The following TENM3 variants were observed in gnomAD, a reference collection of about 807,000 sequenced individuals.
The protein encoded by TENM3 is teneurin transmembrane protein 3.
TENM3 carries 63 observed loss-of-function variants against 255.1 expected under a neutral mutation model. The ratio of observed to expected loss-of-function variants is 0.25; its 90% CI spans 0.20 to 0.30. TENM3 has a LOEUF of 0.30. Among genes scored for constraint, TENM3 ranks in the 10% least tolerant of loss-of-function variants. The pLI, the probability that TENM3 is intolerant of heterozygous loss-of-function variation, is 1.00. For missense variants in TENM3, 2,929 were observed against 3,461.1 expected (o/e 0.85, Z 3.86); for synonymous variants, 1,306 against 1,322.3 (o/e 0.99, Z 0.27).
At chr4:181,993,090 G>A in the TENM3 span, among the ~76,000 whole-genome samples, 884 of 152,180 alleles carry the variant, frequency 5.8e-3, 6 homozygotes, top group Middle Eastern at 0.017. Context: ...CTTTTGTACC[G>A]TATTTATCCT....
At chr4:182,391,960 T>G (rs1768458266) in intron 3 of TENM3, among the ~76,000 whole-genome samples, 12 of 152,218 alleles carry the variant, frequency 7.9e-5, no homozygotes, top group Admixed American at 7.9e-4. Context: ...AACAAATTGC[T>G]CAAATGTTTT....
intron 1 of TENM3, among the ~76,000 whole-genome samples, chr4:182,184,156 T>G (rs1361340862): frequency 6.6e-6 from 1 of 152,142 alleles, no homozygotes; most frequent in Non-Finnish European, 1.5e-5. Context: ...CAAGCAGAGA[T>G]TTTTGTACAA....
At chr4:181,644,418 G>T in the TENM3 span, among the ~76,000 whole-genome samples, 1 of 148,242 alleles carries the variant, frequency 6.7e-6, no homozygotes, top group East Asian at 2.0e-4. Flanking sequence ...GCAAAAAGGT[G>T]GAATCTCTTA....
chr4:181,828,376 T>G, the TENM3 span, among the ~76,000 whole-genome samples: 6 of 152,222 alleles, frequency 3.9e-5, no homozygotes, highest in Non-Finnish European at 8.8e-5. Flanking sequence ...TTCTTCTTTC[T>G]TTCAATACTA....
chr4:182,473,392 G>A (rs933219591), intron 3 of TENM3, among the ~76,000 whole-genome samples: 2 of 152,212 alleles, frequency 1.3e-5, no homozygotes, highest in African/African-American at 4.8e-5. Context: ...TATAAAAACT[G>A]GCCGGGTGCC....
intron 14 of TENM3, 97 bp from the exon 15 acceptor site, chr4:182,730,103 A>T: frequency 7.0e-7 from 1 of 1,437,496 alleles, no homozygotes; most frequent in South Asian, 1.2e-5. Flanking sequence ...TGCATAGCAT[A>T]GTGTTATTTT....
the TENM3 span, among the ~76,000 whole-genome samples, chr4:181,799,115 C>T: frequency 6.6e-6 from 1 of 152,182 alleles, no homozygotes; most frequent in Non-Finnish European, 1.5e-5. Context: ...AACAATAATT[C>T]CTCAAGGGAG....
the TENM3 span, among the ~76,000 whole-genome samples, chr4:181,745,782 G>T: frequency 1.3e-5 from 2 of 152,118 alleles, no homozygotes; most frequent in African/African-American, 4.8e-5. Flanking sequence ...ATTGGGGAGG[G>T]AGAATAAACA....
the TENM3 span, among the ~76,000 whole-genome samples, chr4:181,816,895 T>A: frequency 2.0e-5 from 3 of 152,230 alleles, no homozygotes; most frequent in African/African-American, 7.2e-5. Context: ...AAAGTGAAAG[T>A]AACTAACATA....
intron 5 of TENM3, among the ~76,000 whole-genome samples, chr4:182,644,158 C>T (rs1158555853): frequency 6.6e-6 from 1 of 152,154 alleles, no homozygotes; most frequent in African/African-American, 2.4e-5. Context: ...ACAACATCCC[C>T]TGTAATTTGC....
At chr4:182,303,611 C>T (rs999925581) in intron 1 of TENM3, among the ~76,000 whole-genome samples, 2 of 152,250 alleles carry the variant, frequency 1.3e-5, no homozygotes, top group Non-Finnish European at 1.5e-5. Flanking sequence ...TAGCTGTCTA[C>T]TTAACAGGTG....
the TENM3 span, among the ~76,000 whole-genome samples, chr4:181,826,825 G>T: frequency 6.6e-6 from 1 of 152,194 alleles, no homozygotes; most frequent in African/African-American, 2.4e-5. Flanking sequence ...CGATTTTAAT[G>T]TGCAACCAGG....
At chr4:181,761,915 T>C in the TENM3 span, among the ~76,000 whole-genome samples, 3 of 152,222 alleles carry the variant, frequency 2.0e-5, no homozygotes, top group Non-Finnish European at 4.4e-5. Flanking sequence ...AAATACCAAT[T>C]CAAGAAAATA....
intron 1 of TENM3, among the ~76,000 whole-genome samples, chr4:182,303,267 T>C (rs1265536784): frequency 6.6e-6 from 1 of 152,202 alleles, no homozygotes; most frequent in Non-Finnish European, 1.5e-5. Context: ...TTGCATTTGC[T>C]CTAATGTTGG....
In TENM3 at chr4:182,397,398, TAAAAAAAAAA is replaced by T. The variant is rs144177808; in HGVS notation, c.511+50491_511+50500del. 5.2e-3 allele frequency among the ~76,000 whole-genome samples: 257 copies of T among 48,980 alleles called. 1 individual carries two copies. The highest frequency in any genetic ancestry group is 0.011 in the Admixed American group (28 of 2,464). 32.1% of individuals were successfully genotyped at this position (48,980 alleles called of 152,430 possible). ...CCTGGTGACAGAGCGAGACTCCATC[TAAAAAAAAAA>T]AAAAAAAAAAAAAAAAAAAAATCAA... On this transcript the variant is annotated intron_variant, in intron 3 of 27. Coordinates refer to ENST00000511685, the MANE Select transcript of TENM3 (RefSeq NM_001080477.4).
intron 3 of TENM3, among the ~76,000 whole-genome samples, chr4:182,566,123 C>T (rs1222875809): frequency 3.3e-5 from 5 of 152,174 alleles, no homozygotes; most frequent in African/African-American, 7.2e-5. Context: ...GCTACTTGGA[C>T]GGGTGCTAAG....
chr4:182,748,961 T>C (rs1762193794), intron 19 of TENM3, among the ~76,000 whole-genome samples: 1 of 152,130 alleles, frequency 6.6e-6, no homozygotes, highest in South Asian at 2.1e-4. Flanking sequence ...AATAAGCAAA[T>C]ATAAGCACCA....
chr4:182,519,324 T>G (rs1738320247), intron 3 of TENM3, among the ~76,000 whole-genome samples: 1 of 152,236 alleles, frequency 6.6e-6, no homozygotes, highest in African/African-American at 2.4e-5. Flanking sequence ...GTTACGATTA[T>G]GTGTGTGGTT....
chr4:181,480,940 G>T, the TENM3 span, among the ~76,000 whole-genome samples: 5 of 151,420 alleles, frequency 3.3e-5, no homozygotes, highest in Admixed American at 6.6e-5. Context: ...AAGGGTGAAG[G>T]AAATAATTAT....
Sources: gnomAD v4.1 joint callset for allele counts (sites outside exome capture counted in the v4.1 genomes callset) on GRCh38, gnomAD v4.1.1 for gene constraint, MANE v1.5 for transcripts, NCBI Gene and HGNC (gene_info 2026-07-23, HGNC 2026-07-21) for gene names.